Variants in HDAC9 observed in about 807,000 individuals in gnomAD.
The protein encoded by HDAC9 is histone deacetylase 9.
Under a neutral mutation model 139.4 loss-of-function variants are expected in HDAC9, and 41 were observed. The observed-to-expected ratio is 0.29, with a 90% confidence interval of 0.23 to 0.38. The LOEUF is 0.38. Ranked by LOEUF, HDAC9 falls within the 10% of genes least tolerant of loss-of-function variation. The pLI is 1.00. For synonymous variants in HDAC9, 517 were observed against 476.2 expected (o/e 1.09, Z -1.12); for missense variants, 1,147 against 1,297.0 (o/e 0.88, Z 1.78).
chr7:18,155,538 C>G (rs188181077), intron 1 of HDAC9, among the ~76,000 whole-genome samples: 4 of 152,134 alleles, frequency 2.6e-5, no homozygotes, highest in African/African-American at 7.2e-5. Flanking sequence ...TGAATCTTAT[C>G]TTAAATATGC....
At chr7:18,719,588 C>T (rs1002127073) in intron 12 of HDAC9, among the ~76,000 whole-genome samples, 2 of 152,128 alleles carry the variant, frequency 1.3e-5, no homozygotes, top group Non-Finnish European at 2.9e-5. Flanking sequence ...GATCCACCCA[C>T]CTTGGTCTCC....
intron 21 of HDAC9, among the ~76,000 whole-genome samples, chr7:18,849,050 A>C (rs1797096924): frequency 6.6e-6 from 1 of 152,224 alleles, no homozygotes; most frequent in Non-Finnish European, 1.5e-5. Context: ...CAGTTTGAAA[A>C]ATTCTGATAG....
intron 1 of HDAC9, among the ~76,000 whole-genome samples, chr7:18,135,299 T>G (rs1314122920): frequency 1.3e-5 from 2 of 151,744 alleles, no homozygotes; most frequent in Admixed American, 1.3e-4. Context: ...CATATTCTTT[T>G]TTTTTTCTTT....
chr7:18,202,314 C>A (rs900791288), intron 2 of HDAC9, among the ~76,000 whole-genome samples: 1 of 151,996 alleles, frequency 6.6e-6, no homozygotes, highest in Admixed American at 6.6e-5. Context: ...TTTAAATCTT[C>A]TACATTAGCT....
intron 22 of HDAC9, among the ~76,000 whole-genome samples, chr7:18,919,157 G>A (rs1563055393): frequency 6.6e-6 from 1 of 152,016 alleles, no homozygotes; most frequent in Non-Finnish European, 1.5e-5. Context: ...GAAACACAAA[G>A]TCAGAAGGGC....
intron 1 of HDAC9, among the ~76,000 whole-genome samples, chr7:18,108,920 C>T (rs375445364): frequency 7.8e-4 from 118 of 152,158 alleles, no homozygotes; most frequent in African/African-American, 2.7e-3. Flanking sequence ...CGCCTGGCCA[C>T]ACTCGTCTCT....
chr7:18,309,292 C>T (rs1012706835), intron 1 of HDAC9, among the ~76,000 whole-genome samples: 1 of 152,138 alleles, frequency 6.6e-6, no homozygotes, highest in Non-Finnish European at 1.5e-5. Context: ...GTGCCAGTGG[C>T]AGCTTATTCA....
At chr7:18,725,188 G>GA (rs145946687) in intron 12 of HDAC9, among the ~76,000 whole-genome samples, 2,730 of 151,978 alleles carry the variant, frequency 0.018, 134 homozygotes, top group East Asian at 0.11. Context: ...TTCTTAATCA[G>GA]AAAAAAATGA....
rs372891294 is a variant in HDAC9, at chr7:18,127,431, C to A, written c.-96-34798C>A. The stretch of plus-strand genomic sequence containing the variant: ...CTAGGCATTAAGTCTGTCCAGGAAC[C>A]CCTTTATCTGCTTCCCTGCTCCCTC... On this transcript the variant is annotated intron_variant, in intron 1 of 12. Transcript: ENST00000417496. 2.2e-4 allele frequency: 37 copies of A among 169,266 alleles called. No individual in the cohort carries two copies. In the East Asian group the frequency reaches 6.6e-3, roughly 30 times the overall value. The allele number at this position is 169,266 out of a possible 1,614,324, so 10.5% of individuals were successfully genotyped here.
At chr7:18,503,140 C>T (rs1363175119) in intron 2 of HDAC9, among the ~76,000 whole-genome samples, 1 of 152,080 alleles carries the variant, frequency 6.6e-6, no homozygotes, top group Non-Finnish European at 1.5e-5. Context: ...AGAAAAGAAG[C>T]TTTCAAGAAG....
chr7:18,634,891 A>G, intron 8 of HDAC9, 149 bp downstream of exon 8: 1 of 551,460 alleles, frequency 1.8e-6, no homozygotes, highest in Non-Finnish European at 3.2e-6. Context: ...AACCAATTGA[A>G]AAAAATTGAT....
chr7:18,630,333 TGTGG>T (rs1402436543), intron 7 of HDAC9, among the ~76,000 whole-genome samples: 1 of 152,042 alleles, frequency 6.6e-6, no homozygotes, highest in Non-Finnish European at 1.5e-5. Context: ...CTTATACCAA[TGTGG>T]GCAGTTGGTA....
chr7:18,706,787 A>T (rs777878357), intron 12 of HDAC9, among the ~76,000 whole-genome samples: 5 of 152,224 alleles, frequency 3.3e-5, no homozygotes, highest in Non-Finnish European at 5.9e-5. Flanking sequence ...CTAGAATGTC[A>T]AGAGTGCTGA....
chr7:18,355,417 C>T (rs560853287), intron 1 of HDAC9, among the ~76,000 whole-genome samples: 10 of 152,132 alleles, frequency 6.6e-5, no homozygotes, highest in Non-Finnish European at 1.0e-4. Context: ...AAAACGGAGA[C>T]TTTTAATAAG....
intron 8 of HDAC9, among the ~76,000 whole-genome samples, chr7:18,642,551 G>A (rs1028494442): frequency 1.3e-5 from 2 of 152,076 alleles, no homozygotes; most frequent in Non-Finnish European, 2.9e-5. Context: ...GCTTGAGAGT[G>A]CCTGTGAAGA....
chr7:18,934,732 G>A (rs928571316), intron 22 of HDAC9, among the ~76,000 whole-genome samples: 1 of 152,122 alleles, frequency 6.6e-6, no homozygotes, highest in East Asian at 1.9e-4. Flanking sequence ...TGTTTCTGAG[G>A]GTGGGGCTTG....
At chr7:18,178,809 G>A (rs17138728) in intron 2 of HDAC9, among the ~76,000 whole-genome samples, 26,998 of 152,158 alleles carry the variant, frequency 0.18, 2,691 homozygotes, top group South Asian at 0.32. Flanking sequence ...AGGACCTTCA[G>A]TAAAATACAT....
chr7:18,495,709 C>T (rs563902686), upstream of HDAC9: 1 of 984,482 alleles, frequency 1.0e-6, no homozygotes, highest in Non-Finnish European at 1.2e-6. Context: ...GATTATCACT[C>T]GCTTTAGCCA....
chr7:18,824,184 C>T (rs762604077), intron 17 of HDAC9, among the ~76,000 whole-genome samples: 6 of 152,086 alleles, frequency 3.9e-5, no homozygotes, highest in Admixed American at 1.3e-4. Context: ...AGAGGGAAGA[C>T]GGCTGTCTGC....
Sources: allele counts gnomAD v4.1 joint callset (sites outside exome capture counted in the v4.1 genomes callset), GRCh38; gene constraint gnomAD v4.1.1; transcripts MANE v1.5; gene names NCBI Gene and HGNC (gene_info 2026-07-23, HGNC 2026-07-21).